Variants in MME observed in about 807,000 individuals in gnomAD.
MME encodes membrane metalloendopeptidase, also known as neprilysin.
MME carries 98 observed loss-of-function variants against 113.2 expected under a neutral mutation model. That is an observed-to-expected ratio of 0.87 (90% CI 0.74 to 1.02). The LOEUF (loss-of-function observed/expected upper bound fraction) is 1.02. MME is among the 50% of genes least tolerant of loss of function. The probability of loss-of-function intolerance (pLI) is 0.00; values close to 1 mark genes in which losing one functional copy is unlikely to be tolerated. For missense variants in MME, 836 were observed against 896.0 expected (o/e 0.93, Z 0.86); for synonymous variants, 292 against 300.6 (o/e 0.97, Z 0.30).
rs1278582552 is a variant in MME, at chr3:155,141,932, C to A, written c.958-59C>A. ...TCCAACCCTCTAACTATAACTGAAT[C>A]TTGGACCCAAGAAGAGAAATCCACA... On this transcript the variant is annotated intron_variant, in intron 10 of 22. Coordinates refer to ENST00000360490, the MANE Select transcript of MME (RefSeq NM_007289.4). 3 of 1,593,942 alleles carry A rather than the reference C, an allele frequency of 1.9e-6. No homozygotes were observed. In the Admixed American group the frequency reaches 5.0e-5, roughly 27 times the overall value.
At chr3:155,167,809 A>G (rs1711510376) in intron 18 of MME, among the ~76,000 whole-genome samples, 1 of 152,220 alleles carries the variant, frequency 6.6e-6, no homozygotes, top group Non-Finnish European at 1.5e-5. Context: ...GTGGAAAAAA[A>G]TAAAAACACA....
intron 1 of MME, among the ~76,000 whole-genome samples, chr3:155,043,340 T>C (rs1282036644): frequency 6.6e-6 from 1 of 151,732 alleles, no homozygotes; most frequent in Non-Finnish European, 1.5e-5. Flanking sequence ...TTCTTTCTTT[T>C]TTTTTTTTGA....
chr3:155,128,770 G>A (rs1251481638), intron 8 of MME, among the ~76,000 whole-genome samples: 1 of 151,762 alleles, frequency 6.6e-6, no homozygotes, highest in Non-Finnish European at 1.5e-5. Context: ...CAAAGTTTCT[G>A]GCCCTTAAAT....
intron 9 of MME, 139 bp downstream of exon 9, chr3:155,138,375 G>T (rs773470503): frequency 1.1e-5 from 9 of 806,392 alleles, no homozygotes; most frequent in Non-Finnish European, 1.8e-5. Context: ...ATAGATCATT[G>T]ACTTCAAAAG....
chr3:155,154,214 G>A (rs1486371595), intron 16 of MME, among the ~76,000 whole-genome samples: 4 of 152,014 alleles, frequency 2.6e-5, no homozygotes, highest in African/African-American at 9.7e-5. Context: ...TGGTGCAATT[G>A]GATGGTGGCA....
chr3:155,126,267 A>G (rs955933628), intron 8 of MME, among the ~76,000 whole-genome samples: 6 of 152,182 alleles, frequency 3.9e-5, no homozygotes, highest in South Asian at 2.1e-4. Context: ...TTTTATCACC[A>G]TGAACTGGGA....
At chr3:155,180,224 T>C in intron 22 of MME, 136 bp from the exon 23 acceptor site, 2 of 753,226 alleles carry the variant, frequency 2.7e-6, no homozygotes, top group Non-Finnish European at 4.9e-6. Flanking sequence ...TGACTCATTG[T>C]ACCAGGTTAT....
intron 3 of MME, among the ~76,000 whole-genome samples, chr3:155,097,362 G>A (rs1262473424): frequency 6.6e-6 from 1 of 152,116 alleles, no homozygotes; most frequent in Non-Finnish European, 1.5e-5. Context: ...AAAAGAAACC[G>A]AGAAGTAATC....
At chr3:155,124,528 T>A (rs1362749141) in intron 8 of MME, among the ~76,000 whole-genome samples, 1 of 152,176 alleles carries the variant, frequency 6.6e-6, no homozygotes, top group Non-Finnish European at 1.5e-5. Context: ...TTCTGTTCTG[T>A]TTTTTCCCCA....
chr3:155,174,573 T>C (rs1392050401), intron 22 of MME, among the ~76,000 whole-genome samples: 1 of 152,094 alleles, frequency 6.6e-6, no homozygotes, highest in African/African-American at 2.4e-5. Context: ...ATCGAGTTGC[T>C]ATTTAAGAAT....
chr3:155,064,363 A>G (rs1282759440), intron 1 of MME, among the ~76,000 whole-genome samples: 2 of 152,202 alleles, frequency 1.3e-5, no homozygotes, highest in Non-Finnish European at 2.9e-5. Flanking sequence ...TCTGATTTGC[A>G]AAATATTCAA....
chr3:155,131,931 C>T (rs951546373), intron 8 of MME, among the ~76,000 whole-genome samples: 3 of 152,118 alleles, frequency 2.0e-5, no homozygotes, highest in African/African-American at 7.2e-5. Context: ...CTGTGTTCCC[C>T]CAGCAAACTT....
At position 155,126,725 on chromosome 3, in the gene MME, C is replaced by T. The variant is rs370034532; in HGVS notation, c.720+7914C>T. 1.1e-3 allele frequency among the ~76,000 whole-genome samples: 172 copies of T among 151,958 alleles called. 1 individual carries two copies. The East Asian group carries it at 0.023, about 20-fold the overall frequency. On this transcript the variant is annotated intron_variant, in intron 8 of 22. Coordinates refer to ENST00000360490, the MANE Select transcript of MME (RefSeq NM_007289.4). ...TTAGAAAGGGCATTTATTGGCTGGG[C>T]GCAGTGGCTCATGCCTGTAATCTCT...
intron 17 of MME, among the ~76,000 whole-genome samples, chr3:155,166,002 C>T (rs1476495547): frequency 1.3e-5 from 2 of 152,126 alleles, no homozygotes; most frequent in South Asian, 4.1e-4. Flanking sequence ...AGTAGACATA[C>T]TGAAAACTAC....
chr3:155,113,962 G>A (rs1718391700), intron 3 of MME, among the ~76,000 whole-genome samples: 1 of 152,120 alleles, frequency 6.6e-6, no homozygotes, highest in Non-Finnish European at 1.5e-5. Flanking sequence ...GTTCAATGGG[G>A]GGGCTTGAGG....
chr3:155,045,020 C>G (rs1713503473), intron 1 of MME, among the ~76,000 whole-genome samples: 1 of 151,122 alleles, frequency 6.6e-6, no homozygotes, highest in Non-Finnish European at 1.5e-5. Flanking sequence ...TTTCTCTGTT[C>G]ACTGAGATAC....
chr3:155,088,683 C>CAAAAAAAAA (rs59288472), intron 3 of MME, among the ~76,000 whole-genome samples: 1 of 86,668 alleles, frequency 1.2e-5, no homozygotes, highest in Non-Finnish European at 2.4e-5. Flanking sequence ...AACTCCATCT[C>CAAAAAAAAA]AAAAAAAAAA....
chr3:155,143,793 C>CTG, intron 13 of MME, among the ~76,000 whole-genome samples: 1 of 152,122 alleles, frequency 6.6e-6, no homozygotes, highest in Non-Finnish European at 1.5e-5. Flanking sequence ...CTGAAACCAA[C>CTG]TCACCATTTT....
intron 3 of MME, among the ~76,000 whole-genome samples, chr3:155,101,746 G>A (rs1483988238): frequency 6.6e-6 from 1 of 152,130 alleles, no homozygotes; most frequent in African/African-American, 2.4e-5. Context: ...TGCCCTCCCT[G>A]TGTGACTTAT....
Sources: allele counts gnomAD v4.1 joint callset (sites outside exome capture counted in the v4.1 genomes callset), GRCh38; gene constraint gnomAD v4.1.1; transcripts MANE v1.5; gene names NCBI Gene and HGNC (gene_info 2026-07-23, HGNC 2026-07-21).